CDKN2B-AS1: variants seen among roughly 807,000 people sequenced by gnomAD.
CDKN2B-AS1 encodes the protein CDKN2B and CDKN2A antisense cis and trans regulatory RNA 1, also known as CDKN2B antisense RNA 1 (non-protein coding).
chr9:22,098,685 G>A (rs910733102), intron 4 of CDKN2B-AS1, among the ~76,000 whole-genome samples: 3 of 152,180 alleles, frequency 2.0e-5, no homozygotes, highest in Middle Eastern at 3.4e-3. Context: ...GCCCTTTTAG[G>A]TTTATGTTCT....
chr9:22,007,483 G>A (rs1821250957), intron 1 of CDKN2B-AS1, among the ~76,000 whole-genome samples: 1 of 152,150 alleles, frequency 6.6e-6, no homozygotes, highest in African/African-American at 2.4e-5. Context: ...TTGTGTACAT[G>A]AACATTATGA....
chr9:22,084,359 TTTATA>T (rs1308404289), intron 4 of CDKN2B-AS1, among the ~76,000 whole-genome samples: 1 of 152,156 alleles, frequency 6.6e-6, no homozygotes, highest in African/African-American at 2.4e-5. Flanking sequence ...GCAGGTTAAT[TTTATA>T]TTATGTTTAA....
At position 21,997,364 on chromosome 9, in the gene CDKN2B-AS1, CTG is replaced by C. The variant is rs1349051803; in HGVS notation, n.29+2206_29+2207del. Reference sequence around the variant, plus strand: ...CTTATGGGACACCACCAATATGTGACTGTGGTTGACTGAAGCATCGTTATCCA... The same window carrying C: ...CTTATGGGACACCACCAATATGTGACTGGTTGACTGAAGCATCGTTATCCA... On this transcript the variant is annotated intron_variant and non_coding_transcript_variant, in intron 1 of 4. Transcript: ENST00000650946. The surrounding 1 kb of genome is among the most constrained non-coding windows in gnomAD (Gnocchi z 4.8). 6.6e-6 allele frequency among the ~76,000 whole-genome samples: 1 copy of C among 152,022 alleles called. No individual in the cohort carries two copies. Among genetic ancestry groups the C allele is most frequent in the Non-Finnish European group, 1.5e-5 (1 of 68,018 alleles).
intron 1 of CDKN2B-AS1, among the ~76,000 whole-genome samples, chr9:22,020,858 C>T (rs1171029714): frequency 3.3e-5 from 5 of 152,124 alleles, no homozygotes; most frequent in East Asian, 1.9e-4. Flanking sequence ...TTTCTTTTAC[C>T]GTGCAGAAGC....
rs573109039 is a variant in CDKN2B-AS1, at chr9:22,012,377, G to A, written n.29+17216G>A. The stretch of plus-strand genomic sequence containing the variant: ...CCCGCACCTGGTGCTGCACCTGCGA[G>A]GTGGCATTATTGAGCCTTCACTCTT... On this transcript the variant is annotated intron_variant and non_coding_transcript_variant, in intron 1 of 4. Transcript: ENST00000650946. 4.5e-5 allele frequency: 43 copies of A among 966,068 alleles called. No individual in the cohort carries two copies. In the African/African-American group the frequency reaches 6.1e-4, roughly 14 times the overall value. The allele number at this position is 966,068 out of a possible 1,614,324, so 59.8% of individuals were successfully genotyped here.
chr9:22,116,102 T>C (rs1037531153), intron 4 of CDKN2B-AS1, among the ~76,000 whole-genome samples: 1 of 152,222 alleles, frequency 6.6e-6, no homozygotes, highest in Non-Finnish European at 1.5e-5. Flanking sequence ...TCAAATGACA[T>C]TGGACATGAT....
chr9:22,127,160 C>T (rs964664808), exon 5 of CDKN2B-AS1, among the ~76,000 whole-genome samples: 1 of 152,148 alleles, frequency 6.6e-6, no homozygotes, highest in Non-Finnish European at 1.5e-5. Flanking sequence ...CGGCTCACTG[C>T]AACCTCTGCT....
At chr9:22,069,359 C>T (rs1824195065) in intron 4 of CDKN2B-AS1, among the ~76,000 whole-genome samples, 1 of 150,738 alleles carries the variant, frequency 6.6e-6, no homozygotes, top group Non-Finnish European at 1.5e-5. Flanking sequence ...TCTCGAATAA[C>T]CACTATAGCT....
At chr9:22,057,445 G>A (rs183903437) in intron 4 of CDKN2B-AS1, among the ~76,000 whole-genome samples, 3 of 152,296 alleles carry the variant, frequency 2.0e-5, no homozygotes, top group Admixed American at 6.5e-5. Context: ...AAAGGTAGAT[G>A]CAGCATCTAG....
intron 1 of CDKN2B-AS1, among the ~76,000 whole-genome samples, chr9:22,009,553 T>A (rs1194380287): frequency 6.6e-6 from 1 of 152,234 alleles, no homozygotes. Flanking sequence ...GCTAATATTT[T>A]GGGAATGTTC....
At chr9:22,052,084 T>C (rs1283050506) in intron 3 of CDKN2B-AS1, among the ~76,000 whole-genome samples, 1 of 152,174 alleles carries the variant, frequency 6.6e-6, no homozygotes, top group Non-Finnish European at 1.5e-5. Flanking sequence ...CATTTCTGAC[T>C]TCCCTACAAC....
At chr9:22,117,157 T>C (rs544354330) in intron 4 of CDKN2B-AS1, among the ~76,000 whole-genome samples, 1 of 152,338 alleles carries the variant, frequency 6.6e-6, no homozygotes, top group Non-Finnish European at 1.5e-5. Flanking sequence ...AATAAACCTT[T>C]TAAGATATAG....
chr9:22,122,909 A>AT (rs898325627), intron 4 of CDKN2B-AS1, among the ~76,000 whole-genome samples: 30 of 151,346 alleles, frequency 2.0e-4, no homozygotes, highest in African/African-American at 5.8e-4. Context: ...AAATTTTAGA[A>AT]TTTTTTTTTC....
intron 1 of CDKN2B-AS1, among the ~76,000 whole-genome samples, chr9:22,027,177 CAAAA>C (rs35868692): frequency 2.1e-5 from 3 of 141,776 alleles, no homozygotes; most frequent in Non-Finnish European, 3.1e-5. Flanking sequence ...ACCTTTCTAG[CAAAA>C]AAAAAAAAAA....
At chr9:22,071,285 C>CTTTTTTTTTTTTTTTTTTTT (rs71336509) in intron 4 of CDKN2B-AS1, among the ~76,000 whole-genome samples, 4 of 67,580 alleles carry the variant, frequency 5.9e-5, no homozygotes, top group African/African-American at 2.1e-4. Context: ...AAATATCTAG[C>CTTTTTTTTTTTTTTTTTTTT]TTTTTTTTTT....
At chr9:22,100,975 T>G (rs991817862) in intron 4 of CDKN2B-AS1, among the ~76,000 whole-genome samples, 1 of 152,214 alleles carries the variant, frequency 6.6e-6, no homozygotes, top group Non-Finnish European at 1.5e-5. Context: ...TTTGAATATT[T>G]TGCCCAATTT....
chr9:22,067,518 TAAA>T (rs904719423), intron 4 of CDKN2B-AS1, among the ~76,000 whole-genome samples: 1 of 151,212 alleles, frequency 6.6e-6, no homozygotes, highest in African/African-American at 2.4e-5. Flanking sequence ...TAAAGAAAAA[TAAA>T]AAGAACACAC....
At chr9:22,009,385 C>G (rs1045971662) in intron 1 of CDKN2B-AS1, 1 of 316,724 alleles carries the variant, frequency 3.2e-6, no homozygotes, top group African/African-American at 2.2e-5. Flanking sequence ...GCTCCGCCCC[C>G]TGTCCGCTGT....
At position 22,012,278 on chromosome 9, in the gene CDKN2B-AS1, C is replaced by A. The variant is rs189793623; in HGVS notation, n.29+17117C>A. The A allele has an allele frequency of 1.4e-4, 206 of 1,470,248 alleles. 2 individuals carry two copies. In the South Asian group the frequency reaches 2.2e-3, roughly 16 times the overall value. The allele number at this position is 1,470,248 out of a possible 1,614,324, so 91.1% of individuals were successfully genotyped here. On this transcript the variant is annotated intron_variant and non_coding_transcript_variant, in intron 1 of 4. Transcript: ENST00000650946. ...GGAGGGTATCCCCCCTGACAAGCAG[C>A]GTCTGATATTTGCCAGCAAACAGCT... is the stretch of plus-strand genomic sequence containing the variant.
Sources: allele counts gnomAD v4.1 joint callset (sites outside exome capture counted in the v4.1 genomes callset), GRCh38; gene constraint gnomAD v4.1.1; non-coding constraint Gnocchi (gnomAD v3.1); transcripts MANE v1.5; gene names NCBI Gene and HGNC (gene_info 2026-07-23, HGNC 2026-07-21).